The following FAAH2 variants were observed in gnomAD, a reference collection of about 807,000 sequenced individuals.
FAAH2 encodes the protein fatty-acid amide hydrolase 2.
In FAAH2, 60 loss-of-function variants were observed where a neutral mutation model predicts 36.9. The ratio of observed to expected loss-of-function variants is 1.63; its 90% CI spans 1.32 to 2.02. The LOEUF is 2.02. FAAH2 is among the 30% of genes most tolerant of loss of function. The pLI is 0.00. For synonymous variants in FAAH2, 214 were observed against 143.8 expected (o/e 1.49, Z -3.49); for missense variants, 689 against 397.5 (o/e 1.73, Z -6.23).
the FAAH2 span, among the ~76,000 whole-genome samples, chrX:57,253,489 GA>G: frequency 9.0e-6 from 1 of 111,700 alleles, no homozygotes; most frequent in African/African-American, 3.3e-5. Context: ...AGGTAAAAAT[GA>G]AGGAAAAAAT....
the FAAH2 span, among the ~76,000 whole-genome samples, chrX:57,166,526 T>C: frequency 2.7e-5 from 3 of 112,099 alleles, no homozygotes; most frequent in Non-Finnish European, 5.6e-5. Context: ...CTCACCCCCA[T>C]TGAATGCCCT....
At chrX:57,384,691 A>T (rs1275879486) in intron 7 of FAAH2, among the ~76,000 whole-genome samples, 1 of 111,167 alleles carries the variant, frequency 9.0e-6, no homozygotes, top group Non-Finnish European at 1.9e-5. Context: ...GCTGGAGAGG[A>T]TGTGGAGAAA....
At chrX:57,306,443 A>G (rs756814338) in intron 2 of FAAH2, among the ~76,000 whole-genome samples, 142 of 110,674 alleles carry the variant, frequency 1.3e-3, no homozygotes, top group African/African-American at 4.4e-3. Context: ...GCCAATAATC[A>G]TAAAGATCCT....
Position 57,344,882 on chromosome X carries a change from T to A in FAAH2, c.742+3492T>A, listed in dbSNP as rs994599046. 3.6e-5 allele frequency among the ~76,000 whole-genome samples: 4 copies of A among 111,637 alleles called. No homozygotes were observed. The East Asian group carries it at 8.5e-4, about 24-fold the overall frequency. The stretch of plus-strand genomic sequence containing the variant: ...TTTTAAATTCTGTGTATGTGGTAAA[T>A]CACTTTTTTTTATTTGCTTATGTTG... On this transcript the variant is annotated intron_variant, in intron 5 of 10. Coordinates refer to ENST00000374900, the MANE Select transcript of FAAH2 (RefSeq NM_174912.4).
At chrX:57,303,698 T>C (rs2052441167) in intron 2 of FAAH2, among the ~76,000 whole-genome samples, 1 of 112,004 alleles carries the variant, frequency 8.9e-6, no homozygotes, top group Admixed American at 9.5e-5. Context: ...CACTGCTTTT[T>C]GGATAGCCAG....
the FAAH2 span, among the ~76,000 whole-genome samples, chrX:57,185,627 A>C: frequency 1.8e-5 from 2 of 109,396 alleles, no homozygotes; most frequent in African/African-American, 6.7e-5. Flanking sequence ...TGCCATGGTG[A>C]TTTACCACAC....
At position 57,448,631 on chromosome X, in the gene FAAH2, G is replaced by A; in HGVS notation, c.1336G>A (p.Asp446Asn). ...RKELVDMLGD[D>N]GVFLYPSHPT... The stretch of plus-strand genomic sequence containing the variant: ...AGAGCTGGTGGATATGCTAGGTGAT[G>A]ATGGTGTGTTCTTATATCCCTCACA... Residue 446 changes from aspartate to asparagine, a missense_variant, in exon 10 of 11, where the codon GAT becomes AAT. Transcript: ENST00000374900. 2 of 1,211,583 alleles carry A rather than the reference G, an allele frequency of 1.7e-6. No individual in the cohort carries two copies. Among genetic ancestry groups the A allele is most frequent in the South Asian group, 1.8e-5 (1 of 56,969 alleles).
intron 7 of FAAH2, among the ~76,000 whole-genome samples, chrX:57,413,512 G>A (rs5914101): frequency 0.33 from 36,923 of 110,254 alleles, 5,080 homozygotes; most frequent in Middle Eastern, 0.61. Flanking sequence ...CAGGTTTGTC[G>A]AAGATCAGAT....
At chrX:57,246,143 T>C in the FAAH2 span, among the ~76,000 whole-genome samples, 1 of 112,012 alleles carries the variant, frequency 8.9e-6, no homozygotes, top group East Asian at 2.8e-4. Context: ...GATAAATTCC[T>C]GGACACATAA....
At chrX:57,400,218 G>A (rs1269653283) in intron 7 of FAAH2, among the ~76,000 whole-genome samples, 1 of 112,086 alleles carries the variant, frequency 8.9e-6, no homozygotes, top group Admixed American at 9.4e-5. Context: ...CAATGAGTAT[G>A]CCATTCACAT....
At chrX:57,178,611 G>T in the FAAH2 span, among the ~76,000 whole-genome samples, 1 of 111,920 alleles carries the variant, frequency 8.9e-6, no homozygotes, top group Non-Finnish European at 1.9e-5. Context: ...CTCCTTACAT[G>T]TGGGTGCAAG....
chrX:57,359,917 C>G (rs1276306562), intron 5 of FAAH2, among the ~76,000 whole-genome samples: 3 of 109,378 alleles, frequency 2.7e-5, no homozygotes, highest in African/African-American at 9.9e-5. Flanking sequence ...TTAATTTTTC[C>G]TTCAGTTTTG....
the FAAH2 span, among the ~76,000 whole-genome samples, chrX:57,264,107 T>A: frequency 8.0e-5 from 9 of 112,026 alleles, no homozygotes; most frequent in African/African-American, 2.9e-4. Context: ...AATGTAAAAC[T>A]ATAATATTTC....
intron 3 of FAAH2, among the ~76,000 whole-genome samples, chrX:57,317,891 C>A (rs1193334891): frequency 9.0e-6 from 1 of 111,680 alleles, no homozygotes; most frequent in Admixed American, 9.5e-5. Context: ...TACATGGAAA[C>A]TGAACAATCT....
rs183108917 is a variant in FAAH2, at chrX:57,296,356, C to A, written c.275+3776C>A. Among the ~76,000 whole-genome samples the A allele has an allele frequency of 7.1e-5, 8 of 111,937 alleles. No individual in the cohort carries two copies. The East Asian group carries it at 2.0e-3, about 28-fold the overall frequency. On this transcript the variant is annotated intron_variant, in intron 2 of 10. Coordinates refer to ENST00000374900, the MANE Select transcript of FAAH2 (RefSeq NM_174912.4). ...CAGGCAAACAGGGTCTGCAGTGGACCTCCAGTAAACTCCAACAGACCTGCA... is the reference window on the plus strand; with the variant it reads ...CAGGCAAACAGGGTCTGCAGTGGACATCCAGTAAACTCCAACAGACCTGCA...
At chrX:57,210,609 C>A in the FAAH2 span, among the ~76,000 whole-genome samples, 1 of 112,342 alleles carries the variant, frequency 8.9e-6, no homozygotes, top group East Asian at 2.8e-4. Context: ...CTTACTCAAC[C>A]TTTCAAAGAG....
chrX:57,303,403 T>G (rs781358832), intron 2 of FAAH2, among the ~76,000 whole-genome samples: 2 of 111,907 alleles, frequency 1.8e-5, no homozygotes, highest in Non-Finnish European at 3.8e-5. Flanking sequence ...GGCTTAATCT[T>G]CTGTGATTCT....
At chrX:57,185,375 A>G in the FAAH2 span, among the ~76,000 whole-genome samples, 1 of 110,974 alleles carries the variant, frequency 9.0e-6, no homozygotes, top group Non-Finnish European at 1.9e-5. Flanking sequence ...ATTTAGTAAA[A>G]TGACTTCCAC....
At chrX:57,161,396 T>C in the FAAH2 span, among the ~76,000 whole-genome samples, 13 of 111,309 alleles carry the variant, frequency 1.2e-4, no homozygotes, top group African/African-American at 3.6e-4. Flanking sequence ...CAGAGCTGAG[T>C]TCGGCTCCTG....
Sources: allele counts gnomAD v4.1 joint callset (sites outside exome capture counted in the v4.1 genomes callset), GRCh38; gene constraint gnomAD v4.1.1; transcripts MANE v1.5; gene names NCBI Gene and HGNC (gene_info 2026-07-23, HGNC 2026-07-21).